CDKL1: variants seen among roughly 807,000 people sequenced by gnomAD.
The protein encoded by CDKL1 is cyclin dependent kinase like 1.
Under a neutral mutation model 42.0 loss-of-function variants are expected in CDKL1, and 41 were observed. The ratio of observed to expected loss-of-function variants is 0.98; its 90% CI spans 0.76 to 1.27. The LOEUF (loss-of-function observed/expected upper bound fraction) is 1.27, where lower values mean the gene tolerates loss of function less well. CDKL1 is among the 50% of genes most tolerant of loss of function. The probability of loss-of-function intolerance (pLI) is 0.00; values close to 1 mark genes in which losing one functional copy is unlikely to be tolerated. For missense variants in CDKL1, 394 were observed against 428.4 expected (o/e 0.92, Z 0.71); for synonymous variants, 153 against 158.6 (o/e 0.96, Z 0.26).
chr14:50,341,885 T>C (rs1206347486), intron 5 of CDKL1, among the ~76,000 whole-genome samples: 1 of 152,072 alleles, frequency 6.6e-6, no homozygotes, highest in Non-Finnish European at 1.5e-5. Flanking sequence ...CAAGAAATGG[T>C]AGAAATCAGG....
rs1595242107 is a variant in CDKL1, at chr14:50,331,881, G to T, written c.966+381C>A. ...AACAGCTCCTTTTTTGGACAAACCT[G>T]GAGTGTTAGTTTTAATACTAAAAGT... is the stretch of plus-strand genomic sequence containing the variant. On this transcript the variant is annotated intron_variant, in intron 9 of 9. Coordinates refer to ENST00000395834, the MANE Select transcript of CDKL1 (RefSeq NM_004196.7). 3.9e-6 allele frequency: 3 copies of T among 771,032 alleles called. No homozygotes were observed. The East Asian group carries it at 8.1e-5, about 21-fold the overall frequency. 47.8% of individuals were successfully genotyped at this position (771,032 alleles called of 1,614,324 possible). A position where few individuals can be genotyped will look rare whatever the true frequency, so the allele number is the denominator to read the frequency against.
chr14:50,331,950 T>C, intron 9 of CDKL1: 1 of 1,317,948 alleles, frequency 7.6e-7, no homozygotes, highest in Non-Finnish European at 1.0e-6. Flanking sequence ...CTGATTTCAT[T>C]TTCCAAAGCC....
intron 3 of CDKL1, among the ~76,000 whole-genome samples, chr14:50,355,755 A>G (rs2139439321): frequency 6.6e-6 from 1 of 152,322 alleles, no homozygotes; most frequent in East Asian, 1.9e-4. Flanking sequence ...ATCATAAAGG[A>G]GTCATATGTG....
chr14:50,326,770 G>A lies in CDKL1; in HGVS notation c.*3304C>T, dbSNP rs146476824. The A allele has an allele frequency of 9.7e-5, 96 of 985,030 alleles. No individual in the cohort carries two copies. The highest frequency in any genetic ancestry group is 1.9e-4 in the South Asian group (4 of 21,270). The allele number at this position is 985,030 out of a possible 1,614,324, so 61.0% of individuals were successfully genotyped here. On this transcript the variant is annotated 3_prime_UTR_variant, in exon 10 of 10. Coordinates refer to ENST00000395834, the MANE Select transcript of CDKL1 (RefSeq NM_004196.7). Reference sequence around the variant, plus strand: ...CTAACATTGCTTTAGGCTGGGTGCCGTGGCTCGTGCCTGTAATCCCAGTGC... The same window carrying A: ...CTAACATTGCTTTAGGCTGGGTGCCATGGCTCGTGCCTGTAATCCCAGTGC...
chr14:50,385,676 T>C (rs551019350), intron 2 of CDKL1, among the ~76,000 whole-genome samples: 14 of 151,850 alleles, frequency 9.2e-5, no homozygotes, highest in East Asian at 5.8e-4. Flanking sequence ...CGGTGGCAGG[T>C]GCCTGTAATC....
intron 3 of CDKL1, among the ~76,000 whole-genome samples, chr14:50,358,789 G>A (rs866564594): frequency 2.0e-5 from 3 of 151,444 alleles, no homozygotes; most frequent in African/African-American, 4.9e-5. Context: ...ACAGGCACCC[G>A]CCACCACGCC....
Position 50,350,450 on chromosome 14 carries a change from G to A in CDKL1, c.291-5392C>T, listed in dbSNP as rs575500570. 2.0e-5 allele frequency among the ~76,000 whole-genome samples: 3 copies of A among 152,286 alleles called. No individual in the cohort carries two copies. The South Asian group carries it at 6.2e-4, about 32-fold the overall frequency. On this transcript the variant is annotated intron_variant, in intron 3 of 9. Transcript: ENST00000395834. ...CTCCTTTCAGAGCAATCATACATAA[G>A]CTCAACCTTAATCTATGAGAGAAGA...
At chr14:50,380,127 G>A in intron 2 of CDKL1, 1 of 522,470 alleles carries the variant, frequency 1.9e-6, no homozygotes, top group South Asian at 1.4e-5. Context: ...TCTATGACCT[G>A]TGAAGTAAGA....
chr14:50,372,012 T>C (rs2034604421), intron 2 of CDKL1, among the ~76,000 whole-genome samples: 1 of 152,188 alleles, frequency 6.6e-6, no homozygotes, highest in African/African-American at 2.4e-5. Flanking sequence ...CCACTGAGCA[T>C]AGGAGGGAGG....
chr14:50,332,882 TCAC>T, intron 8 of CDKL1: 2 of 429,220 alleles, frequency 4.7e-6, no homozygotes, highest in Non-Finnish European at 8.1e-6. Flanking sequence ...GGTGTTCCCT[TCAC>T]CCTTCTAAAA....
At chr14:50,359,203 T>C in intron 2 of CDKL1, 54 bp from the exon 3 acceptor site, 2 of 1,568,638 alleles carry the variant, frequency 1.3e-6, no homozygotes, top group Non-Finnish European at 1.7e-6. Context: ...GACAGCTTTC[T>C]CTAATCTTGA....
At chr14:50,339,228 A>C (rs1487972703) in intron 6 of CDKL1, among the ~76,000 whole-genome samples, 199 bp from the exon 7 acceptor site, 5 of 152,128 alleles carry the variant, frequency 3.3e-5, no homozygotes, top group Non-Finnish European at 7.3e-5. Flanking sequence ...TGTGTTAGGC[A>C]CAGAGGAGGC....
At chr14:50,393,504 T>C (rs1191207720) in intron 2 of CDKL1, among the ~76,000 whole-genome samples, 1 of 152,178 alleles carries the variant, frequency 6.6e-6, no homozygotes, top group Non-Finnish European at 1.5e-5. Context: ...AGTGACAGGG[T>C]CTCACTGTCA....
At chr14:50,334,509 C>T in intron 8 of CDKL1, 56 bp downstream of exon 8, 1 of 947,180 alleles carries the variant, frequency 1.1e-6, no homozygotes, top group Non-Finnish European at 1.7e-6. Flanking sequence ...ATTCAGATTC[C>T]CCAGTGATGA....
intron 2 of CDKL1, among the ~76,000 whole-genome samples, chr14:50,387,970 C>T (rs1040249647): frequency 2.0e-5 from 3 of 152,158 alleles, no homozygotes; most frequent in Admixed American, 6.5e-5. Context: ...TATCTCGACT[C>T]ACCGCCACCT....
At chr14:50,331,860 GCTC>G in intron 9 of CDKL1, 2 of 664,494 alleles carry the variant, frequency 3.0e-6, no homozygotes, top group Non-Finnish European at 5.0e-6. Flanking sequence ...GAGGAAAACA[GCTC>G]CTTTTTTGGA....
intron 2 of CDKL1, among the ~76,000 whole-genome samples, chr14:50,376,008 G>A (rs1193224262): frequency 6.6e-6 from 1 of 152,080 alleles, no homozygotes; most frequent in Non-Finnish European, 1.5e-5. Flanking sequence ...CAGCCAAGAG[G>A]AGGCTGCGGA....
chr14:50,385,070 CAAAAAAAAAAAAAAA>C (rs55719234), intron 2 of CDKL1, among the ~76,000 whole-genome samples: 90 of 93,544 alleles, frequency 9.6e-4, no homozygotes, highest in Non-Finnish European at 1.5e-3. Flanking sequence ...GACTCTGTCT[CAAAAAAAAAAAAAAA>C]AAAAAAAAAA....
chr14:50,376,933 C>T (rs1286760579), intron 2 of CDKL1, among the ~76,000 whole-genome samples: 3 of 152,118 alleles, frequency 2.0e-5, no homozygotes, highest in African/African-American at 7.2e-5. Context: ...GAAGCCCTCA[C>T]TGAGATGATA....
Sources: allele counts gnomAD v4.1 joint callset (sites outside exome capture counted in the v4.1 genomes callset), GRCh38; gene constraint gnomAD v4.1.1; transcripts MANE v1.5; gene names NCBI Gene and HGNC (gene_info 2026-07-23, HGNC 2026-07-21).